The following CTNNA3 variants were observed in gnomAD, a reference collection of about 807,000 sequenced individuals.
CTNNA3 encodes the protein catenin alpha-3.
In CTNNA3, 76 loss-of-function variants were observed where a neutral mutation model predicts 95.7. The observed-to-expected ratio is 0.79, with a 90% CI of 0.66 to 0.96. CTNNA3 has a LOEUF of 0.96. CTNNA3 is among the 40% of genes least tolerant of loss of function. The pLI is 0.00. For missense variants in CTNNA3, 1,191 were observed against 1,089.8 expected (o/e 1.09, Z -1.31); for synonymous variants, 431 against 374.4 (o/e 1.15, Z -1.74).
At chr10:67,009,007 C>T (rs1852171830) in intron 7 of CTNNA3, among the ~76,000 whole-genome samples, 2 of 152,100 alleles carry the variant, frequency 1.3e-5, no homozygotes, top group East Asian at 1.9e-4. Context: ...AATTTTTACA[C>T]ATAATTCTAT....
intron 15 of CTNNA3, among the ~76,000 whole-genome samples, chr10:66,014,575 T>C (rs2079059560): frequency 6.6e-6 from 1 of 152,184 alleles, no homozygotes; most frequent in Non-Finnish European, 1.5e-5. Flanking sequence ...TATAAATGTG[T>C]TTTTGGTCTA....
chr10:66,425,313 A>C (rs56410956), intron 11 of CTNNA3, among the ~76,000 whole-genome samples: 39,957 of 151,498 alleles, frequency 0.26, 5,373 homozygotes, highest in South Asian at 0.39. Context: ...ATAAATTTAC[A>C]ATGAGTATGA....
intron 11 of CTNNA3, among the ~76,000 whole-genome samples, chr10:66,489,930 AC>A (rs1216965735): frequency 6.6e-6 from 1 of 152,114 alleles, no homozygotes; most frequent in Non-Finnish European, 1.5e-5. Flanking sequence ...TGCCTGCAAC[AC>A]TCTGGGCATA....
At chr10:66,493,599 A>ATTTTTTTTTTTTTTTTTTTTTTTTTT (rs528761424) in intron 11 of CTNNA3, among the ~76,000 whole-genome samples, 8 of 112,022 alleles carry the variant, frequency 7.1e-5, no homozygotes, top group East Asian at 3.7e-4. Flanking sequence ...TAACTACAGT[A>ATTTTTTTTTTTTTTTTTTTTTTTTTT]TTTTTTTTTT....
chr10:66,466,605 C>T (rs1300681938), intron 11 of CTNNA3, among the ~76,000 whole-genome samples: 1 of 151,794 alleles, frequency 6.6e-6, no homozygotes, highest in Non-Finnish European at 1.5e-5. Context: ...TGCATGTAAC[C>T]CTCTCCTGTG....
At chr10:67,597,289 C>T (rs1842959460) in intron 3 of CTNNA3, among the ~76,000 whole-genome samples, 1 of 152,182 alleles carries the variant, frequency 6.6e-6, no homozygotes, top group Non-Finnish European at 1.5e-5. Flanking sequence ...GGGTTAAAAA[C>T]CACTGCTGGT....
At chr10:67,341,427 A>G (rs1842185779) in intron 5 of CTNNA3, among the ~76,000 whole-genome samples, 3 of 152,184 alleles carry the variant, frequency 2.0e-5, no homozygotes, top group Non-Finnish European at 2.9e-5. Flanking sequence ...GATCCCACAA[A>G]TAAGTGAGAA....
chr10:67,051,104 A>T (rs973878714), intron 7 of CTNNA3, among the ~76,000 whole-genome samples: 3 of 152,244 alleles, frequency 2.0e-5, no homozygotes, highest in Non-Finnish European at 4.4e-5. Flanking sequence ...TAAAATAAAG[A>T]CAGAGATACA....
chr10:67,182,900 A>G (rs1862631596), intron 6 of CTNNA3, among the ~76,000 whole-genome samples: 2 of 152,248 alleles, frequency 1.3e-5, no homozygotes, highest in South Asian at 4.1e-4. Flanking sequence ...ACACTTCTCA[A>G]AAGAAGACAT....
At position 67,250,548 on chromosome 10, in the gene CTNNA3, G is replaced by A. The variant is rs779716495; in HGVS notation, c.580-30678C>T. On this transcript the variant is annotated intron_variant, in intron 5 of 17. Transcript: ENST00000433211. ...CCAACTTTTTATACACATGGGTTCC[G>A]CAGGGCAGATTTCAAGACTCGAGTA... Among the ~76,000 whole-genome samples, 11 of 152,104 alleles carry A rather than the reference G, an allele frequency of 7.2e-5. No homozygotes were observed. The South Asian group carries it at 8.3e-4, about 11-fold the overall frequency.
intron 9 of CTNNA3, among the ~76,000 whole-genome samples, chr10:66,750,810 T>C (rs897101140): frequency 1.3e-5 from 2 of 152,210 alleles, no homozygotes; most frequent in Non-Finnish European, 2.9e-5. Flanking sequence ...AGAAGTGACA[T>C]GTTTGACAAT....
intron 3 of CTNNA3, among the ~76,000 whole-genome samples, chr10:67,581,109 G>T (rs1439892389): frequency 1.3e-5 from 2 of 152,138 alleles, no homozygotes; most frequent in Non-Finnish European, 2.9e-5. Flanking sequence ...AATAGGAGTG[G>T]TGAGAGAGGG....
upstream of CTNNA3, among the ~76,000 whole-genome samples, chr10:67,700,126 C>T (rs992952599): frequency 2.0e-5 from 3 of 152,244 alleles, no homozygotes; most frequent in African/African-American, 7.2e-5. Flanking sequence ...CCAGGAAGCT[C>T]GAAATGGGTG....
At chr10:66,366,052 T>G (rs1365435955) in intron 12 of CTNNA3, among the ~76,000 whole-genome samples, 1 of 152,154 alleles carries the variant, frequency 6.6e-6, no homozygotes, top group Non-Finnish European at 1.5e-5. Flanking sequence ...TAAATGTTTG[T>G]TGTCTTAATT....
intron 5 of CTNNA3, among the ~76,000 whole-genome samples, chr10:67,289,752 A>G (rs777411921): frequency 1.3e-5 from 2 of 151,348 alleles, no homozygotes; most frequent in Non-Finnish European, 2.9e-5. Flanking sequence ...CAAAGGAAGG[A>G]TGGATGAATG....
intron 15 of CTNNA3, among the ~76,000 whole-genome samples, 168 bp downstream of exon 15, chr10:66,069,140 C>T (rs372916280): frequency 1.3e-5 from 2 of 152,178 alleles, no homozygotes; most frequent in Middle Eastern, 3.4e-3. Context: ...ATTTATTTAT[C>T]GATCGAAACC....
intron 11 of CTNNA3, among the ~76,000 whole-genome samples, chr10:66,395,264 G>T (rs753902488): frequency 6.6e-6 from 1 of 151,948 alleles, no homozygotes; most frequent in Non-Finnish European, 1.5e-5. Flanking sequence ...TGTCAGAACA[G>T]ATCCCTCTCT....
At chr10:66,360,221 A>G (rs1292584199) in intron 12 of CTNNA3, among the ~76,000 whole-genome samples, 3 of 151,780 alleles carry the variant, frequency 2.0e-5, no homozygotes, top group Non-Finnish European at 4.4e-5. Context: ...AACTCAGTCA[A>G]TTTCTCATCC....
At position 67,359,463 on chromosome 10, in the gene CTNNA3, T is replaced by G. The variant is rs571948861; in HGVS notation, c.580-139593A>C. ...AAGCTCGATGAGATTCAAGAAAAAG[T>G]TGAAAGCCAATCCAAGGAAGCAAGT... On this transcript the variant is annotated intron_variant, in intron 5 of 17. Coordinates refer to ENST00000433211, the MANE Select transcript of CTNNA3 (RefSeq NM_013266.4). Among the ~76,000 whole-genome samples the G allele has an allele frequency of 4.0e-4, 61 of 152,194 alleles. 1 individual carries two copies. Among genetic ancestry groups the G allele is most frequent in the African/African-American group, 1.4e-3 (60 of 41,558 alleles).
Sources: allele counts gnomAD v4.1 joint callset (sites outside exome capture counted in the v4.1 genomes callset), GRCh38; gene constraint gnomAD v4.1.1; transcripts MANE v1.5; gene names NCBI Gene and HGNC (gene_info 2026-07-23, HGNC 2026-07-21).